The following PHC3 variants were observed in gnomAD, a reference collection of about 807,000 sequenced individuals.
PHC3 encodes the protein polyhomeotic-like protein 3.
PHC3 carries 13 observed loss-of-function variants against 107.4 expected under a neutral mutation model. The ratio of observed to expected loss-of-function variants is 0.12; its 90% confidence interval spans 0.08 to 0.19. The LOEUF is 0.19. Ranked by LOEUF, PHC3 falls within the 10% of genes least tolerant of loss-of-function variation. The probability of loss-of-function intolerance (pLI) is 1.00; values close to 1 mark genes in which losing one functional copy is unlikely to be tolerated. For missense variants in PHC3, 992 were observed against 1,210.9 expected (o/e 0.82, Z 2.68); for synonymous variants, 456 against 427.4 (o/e 1.07, Z -0.83).
chr3:170,102,184 A>C, intron 14 of PHC3: 2 of 985,414 alleles, frequency 2.0e-6, no homozygotes, highest in Non-Finnish European at 2.4e-6. Context: ...TGACCTCTCG[A>C]GAGAAATCAG....
chr3:170,100,096 T>C (rs1715236834), intron 14 of PHC3, among the ~76,000 whole-genome samples: 2 of 152,158 alleles, frequency 1.3e-5, no homozygotes, highest in Non-Finnish European at 2.9e-5. Flanking sequence ...TAACATAGTC[T>C]GAACAGGATG....
intron 4 of PHC3, among the ~76,000 whole-genome samples, chr3:170,168,032 T>C (rs965478342): frequency 1.3e-5 from 2 of 152,060 alleles, no homozygotes; most frequent in Non-Finnish European, 1.5e-5. Flanking sequence ...CATAGTGGTG[T>C]GCGCCTGTAG....
At chr3:170,146,518 TTTTTCC>T (rs1476877590) in intron 5 of PHC3, among the ~76,000 whole-genome samples, 1 of 149,818 alleles carries the variant, frequency 6.7e-6, no homozygotes, top group Non-Finnish European at 1.5e-5. Context: ...ACTTTCCTTT[TTTTTCC>T]TTTTCTTTTT....
intron 4 of PHC3, among the ~76,000 whole-genome samples, chr3:170,155,338 A>G (rs1276320486): frequency 6.6e-6 from 1 of 152,230 alleles, no homozygotes; most frequent in Admixed American, 6.5e-5. Context: ...TGCTGAGTAA[A>G]AAGGCAGCAA....
At chr3:170,144,169 A>AG (rs1553798593) in intron 6 of PHC3, among the ~76,000 whole-genome samples, 3 of 151,186 alleles carry the variant, frequency 2.0e-5, no homozygotes, top group Non-Finnish European at 4.4e-5. Context: ...AAAAAAAAAA[A>AG]AAAAAAGAAA....
At chr3:170,123,353 G>GCATACACA (rs1553787145) in intron 8 of PHC3, among the ~76,000 whole-genome samples, 1 of 11,426 alleles carries the variant, frequency 8.8e-5, no homozygotes, top group Non-Finnish European at 1.4e-4. Flanking sequence ...TCCTTGAAAT[G>GCATACACA]CATACACACA....
chr3:170,119,560 T>A (rs533964679), intron 9 of PHC3, among the ~76,000 whole-genome samples: 1 of 152,158 alleles, frequency 6.6e-6, no homozygotes, highest in Admixed American at 6.5e-5. Flanking sequence ...GAAACACTCA[T>A]GTATTACAAT....
At position 170,136,484 on chromosome 3, in the gene PHC3, G is replaced by A; in HGVS notation, c.854C>T (p.Pro285Leu). 1 of 1,605,736 alleles carries A rather than the reference G, an allele frequency of 6.2e-7. No homozygotes were observed. Among genetic ancestry groups the A allele is most frequent in the Non-Finnish European group, 8.5e-7 (1 of 1,176,620 alleles). Residue 285 changes from proline to leucine, a missense_variant, in exon 7 of 15, where the codon CCA becomes CTA. Coordinates refer to ENST00000495893, the MANE Select transcript of PHC3 (RefSeq NM_024947.4). ...SPESNKKGES[P>L]SLESRSTAVT... is the part of the protein sequence containing the mutation. ...AGCTGTGCTTCGTGATTCCAGGCTT[G>A]GGCTCTCTCCTTTCTTATTACTTTC...
At chr3:170,124,960 A>C (rs1014764593) in intron 8 of PHC3, among the ~76,000 whole-genome samples, 1 of 152,164 alleles carries the variant, frequency 6.6e-6, no homozygotes, top group African/African-American at 2.4e-5. Context: ...TAAGAATAAA[A>C]CATCTTCTTT....
intron 8 of PHC3, among the ~76,000 whole-genome samples, chr3:170,126,529 T>TATATATATATCTATA (rs1491097010): frequency 1.3e-4 from 5 of 39,984 alleles, no homozygotes; most frequent in African/African-American, 4.0e-4. Flanking sequence ...TATATATATA[T>TATATATATATCTATA]TTTTTTTTTT....
At chr3:170,114,213 T>C (rs1718446613) in intron 10 of PHC3, among the ~76,000 whole-genome samples, 1 of 152,122 alleles carries the variant, frequency 6.6e-6, no homozygotes, top group African/African-American at 2.4e-5. Flanking sequence ...TTCTCCATGT[T>C]GGTCAGGCTG....
intron 14 of PHC3, among the ~76,000 whole-genome samples, chr3:170,100,153 T>C (rs1289042154): frequency 1.3e-5 from 2 of 152,048 alleles, no homozygotes; most frequent in Admixed American, 1.3e-4. Flanking sequence ...GAGGAGTAAA[T>C]ATAAATGCCC....
intron 4 of PHC3, chr3:170,171,135 A>T: frequency 1.9e-6 from 1 of 540,480 alleles, no homozygotes; most frequent in Non-Finnish European, 3.2e-6. Flanking sequence ...TCTGAACATG[A>T]TCAGTGCAAA....
At chr3:170,156,297 C>T (rs1726887932) in intron 4 of PHC3, among the ~76,000 whole-genome samples, 2 of 151,980 alleles carry the variant, frequency 1.3e-5, no homozygotes, top group Admixed American at 1.3e-4. Context: ...CACTCTGCTG[C>T]CCGGACTGGA....
chr3:170,138,689 CAAA>C (rs11284597), intron 6 of PHC3, among the ~76,000 whole-genome samples: 6 of 81,314 alleles, frequency 7.4e-5, no homozygotes, highest in Admixed American at 1.4e-4. Flanking sequence ...GACTCTGTCT[CAAA>C]AAAAAAAAAA....
intron 6 of PHC3, 66 bp from the exon 7 acceptor site, chr3:170,136,731 C>T (rs1723136469): frequency 4.7e-6 from 7 of 1,500,638 alleles, no homozygotes; most frequent in South Asian, 1.2e-5. Context: ...GTCATCATTA[C>T]CATTATGACA....
intron 11 of PHC3, among the ~76,000 whole-genome samples, chr3:170,111,374 A>G (rs1365771294): frequency 2.0e-5 from 3 of 150,932 alleles, no homozygotes; most frequent in Non-Finnish European, 4.4e-5. Flanking sequence ...AGGAAAAAGA[A>G]AGAAAGAGAG....
intron 11 of PHC3, among the ~76,000 whole-genome samples, chr3:170,107,599 C>T (rs994511210): frequency 6.6e-6 from 1 of 152,112 alleles, no homozygotes; most frequent in Admixed American, 6.5e-5. Flanking sequence ...TATATACATA[C>T]ATAAAATTCT....
At chr3:170,145,363 T>C in intron 6 of PHC3, 60 bp downstream of exon 6, 1 of 1,428,046 alleles carries the variant, frequency 7.0e-7, no homozygotes, top group South Asian at 1.2e-5. Context: ...AATGCAATGC[T>C]TAACTTTAAC....
Sources: gnomAD v4.1 joint callset for allele counts (sites outside exome capture counted in the v4.1 genomes callset) on GRCh38, gnomAD v4.1.1 for gene constraint, MANE v1.5 for transcripts, NCBI Gene and HGNC (gene_info 2026-07-23, HGNC 2026-07-21) for gene names.